ITSN1: variants seen among roughly 807,000 people sequenced by gnomAD.
ITSN1 encodes the protein intersectin-1.
A neutral mutation model predicts 239.8 loss-of-function variants in ITSN1; 58 were observed. The observed-to-expected ratio is 0.24, with a 90% CI of 0.20 to 0.30. ITSN1 has a LOEUF of 0.30. Ranked by LOEUF, ITSN1 falls within the 10% of genes least tolerant of loss-of-function variation. The pLI is 1.00. For missense variants in ITSN1, 1,558 were observed against 2,103.3 expected, an observed-to-expected ratio of 0.74 and a Z score of 5.07; for synonymous variants, 780 against 770.8, an observed-to-expected ratio of 1.01 and a Z score of -0.20.
chr21:33,741,136 A>G (rs1241399881), intron 5 of ITSN1, among the ~76,000 whole-genome samples: 2 of 152,128 alleles, frequency 1.3e-5, no homozygotes, highest in East Asian at 1.9e-4. Context: ...ACGTGTCTTG[A>G]AGGTTAACTG....
At chr21:33,770,017 G>A (rs1474359661) in intron 11 of ITSN1, among the ~76,000 whole-genome samples, 1 of 151,226 alleles carries the variant, frequency 6.6e-6, no homozygotes, top group Non-Finnish European at 1.5e-5. Flanking sequence ...TTTTTATAAG[G>A]ATATTAATTT....
chr21:33,756,203 A>G (rs1444575309), intron 8 of ITSN1, among the ~76,000 whole-genome samples: 1 of 148,418 alleles, frequency 6.7e-6, no homozygotes, highest in Admixed American at 6.8e-5. Context: ...AGGCAGGAGA[A>G]TTGCTGGAAC....
intron 1 of ITSN1, among the ~76,000 whole-genome samples, chr21:33,713,572 T>A (rs1162869524): frequency 1.3e-5 from 2 of 152,028 alleles, no homozygotes; most frequent in African/African-American, 4.8e-5. Context: ...AATTACTATA[T>A]TTTTTTCAAA....
chr21:33,766,018 G>A lies in ITSN1; in HGVS notation c.926+6G>A, dbSNP rs1402169235. On this transcript the variant is annotated splice_donor_region_variant and intron_variant, in intron 10 of 39. Coordinates refer to ENST00000381318, the MANE Select transcript of ITSN1 (RefSeq NM_003024.3). ...TACATTCCACCTTCTTTTAGGTAAG[G>A]AACATGGGCTCTGATCAGGAATTGT... The A allele has an allele frequency of 6.2e-7, 1 of 1,614,102 alleles. No homozygotes were observed. The highest frequency in any genetic ancestry group is 1.7e-5 in the Admixed American group (1 of 60,018).
chr21:33,730,413 T>TTC (rs2066102487), intron 4 of ITSN1, among the ~76,000 whole-genome samples: 1 of 142,198 alleles, frequency 7.0e-6, no homozygotes, highest in African/African-American at 2.6e-5. Flanking sequence ...TTTTTTTTTT[T>TTC]TTTCTGGAGA....
rs893895832 is a variant in ITSN1 at position 33,896,642 on chromosome 21, G to T, written c.*8342G>T. On this transcript the variant is annotated 3_prime_UTR_variant, in exon 40 of 40. Transcript: ENST00000381318. ...TGTATGGGGATGGTAGGAGAGAAAA[G>T]ATCCCTCTGTGTAAGTAGCCTCAAG... 1 of 152,250 alleles carries T rather than the reference G, an allele frequency of 6.6e-6. No homozygotes were observed. Among genetic ancestry groups the T allele is most frequent in the Non-Finnish European group, 1.5e-5 (1 of 68,052 alleles). 9.4% of individuals were successfully genotyped at this position (152,250 alleles called of 1,614,324 possible). A position where few individuals can be genotyped will look rare whatever the true frequency, so the allele number is the denominator to read the frequency against.
At chr21:33,851,946 G>C (rs541111368) in intron 29 of ITSN1, among the ~76,000 whole-genome samples, 3 of 151,416 alleles carry the variant, frequency 2.0e-5, no homozygotes, top group Non-Finnish European at 4.4e-5. Flanking sequence ...ACCATGCATG[G>C]ATAATTTTTT....
intron 34 of ITSN1, among the ~76,000 whole-genome samples, chr21:33,880,090 T>C (rs1043474825): frequency 2.6e-5 from 4 of 152,228 alleles, no homozygotes; most frequent in African/African-American, 4.8e-5. Flanking sequence ...GTTGTCTTGA[T>C]GATGTTCATG....
Position 33,873,609 on chromosome 21 carries a change from G to A in ITSN1, c.4174-1745G>A, listed in dbSNP as rs186234952. Among the ~76,000 whole-genome samples the A allele has an allele frequency of 2.1e-4, 32 of 152,300 alleles. No homozygotes were observed. In the South Asian group the frequency reaches 5.0e-3, roughly 24 times the overall value. On this transcript the variant is annotated intron_variant, in intron 33 of 39. Transcript: ENST00000381318. ...ATGTGGGCCAGGCGTGGTGGCTCAC[G>A]CCTGTAATCCCCGCACTTTGGGAGG...
chr21:33,858,029 G>T (rs882364), intron 30 of ITSN1, among the ~76,000 whole-genome samples: 33,452 of 151,948 alleles, frequency 0.22, 4,129 homozygotes, highest in East Asian at 0.4. Context: ...TGGAACACGG[G>T]GTTCCACTGA....
At chr21:33,879,008 C>G (rs953650916) in intron 34 of ITSN1, among the ~76,000 whole-genome samples, 1 of 152,108 alleles carries the variant, frequency 6.6e-6, no homozygotes, top group African/African-American at 2.4e-5. Context: ...GTACGGGGGA[C>G]TCTCGGGCCC....
At position 33,885,538 on chromosome 21, in the gene ITSN1, GC is replaced by G. The variant is rs1985641621; in HGVS notation, c.4843+21del. On this transcript the variant is annotated intron_variant, in intron 38 of 39. Coordinates refer to ENST00000381318, the MANE Select transcript of ITSN1 (RefSeq NM_003024.3). ...CGGTCACATGGTAAGGCTGTGAGGCGCCCCCGGCTCCTGCTTTGGGGTTGGG... is the reference window on the plus strand; with the variant it reads ...CGGTCACATGGTAAGGCTGTGAGGCGCCCCGGCTCCTGCTTTGGGGTTGGG... The G allele has an allele frequency of 1.9e-6, 3 of 1,609,962 alleles. No individual in the cohort carries two copies. In the South Asian group the frequency reaches 3.3e-5, roughly 18 times the overall value.
At chr21:33,826,470 C>T (rs1432437568) in intron 25 of ITSN1, among the ~76,000 whole-genome samples, 1 of 152,120 alleles carries the variant, frequency 6.6e-6, no homozygotes, top group East Asian at 1.9e-4. Context: ...AAAATAAGTC[C>T]GAGCTTAGTG....
rs188998182 is a variant in ITSN1, at chr21:33,889,478, C to G, written c.*1178C>G. On this transcript the variant is annotated 3_prime_UTR_variant, in exon 40 of 40. Coordinates refer to ENST00000381318, the MANE Select transcript of ITSN1 (RefSeq NM_003024.3). ...CACATAATATGCTTGTTGCAAGAGT[C>G]AGGACTTTATGACTATGTGCCAAGC... The G allele has an allele frequency of 1.3e-5, 2 of 152,178 alleles. No individual in the cohort carries two copies. The highest frequency in any genetic ancestry group is 2.9e-5 in the Non-Finnish European group (2 of 68,030). 9.4% of individuals were successfully genotyped at this position (152,178 alleles called of 1,614,324 possible).
In ITSN1 at chr21:33,893,715, A is replaced by G. The variant is rs1986519776; in HGVS notation, c.*5415A>G. 6.6e-6 allele frequency: 1 copy of G among 152,224 alleles called. No homozygotes were observed. The highest frequency in any genetic ancestry group is 2.4e-5 in the African/African-American group (1 of 41,428). 9.4% of individuals were successfully genotyped at this position (152,224 alleles called of 1,614,324 possible). ...TGGATCCTGCTTCTTTGTACTTGGA[A>G]CACAGTTTATTTGAGCTAGAGGAAA... On this transcript the variant is annotated 3_prime_UTR_variant, in exon 40 of 40. Coordinates refer to ENST00000381318, the MANE Select transcript of ITSN1 (RefSeq NM_003024.3).
At chr21:33,804,062 T>G (rs1409463427) in intron 20 of ITSN1, among the ~76,000 whole-genome samples, 1 of 152,206 alleles carries the variant, frequency 6.6e-6, no homozygotes, top group Non-Finnish European at 1.5e-5. Flanking sequence ...ATGATGAGCA[T>G]GAGACATGTA....
intron 23 of ITSN1, among the ~76,000 whole-genome samples, chr21:33,818,829 G>C (rs774937271): frequency 6.6e-6 from 1 of 152,194 alleles, no homozygotes; most frequent in Non-Finnish European, 1.5e-5. Context: ...AAAGGATCTG[G>C]GGAAATGATC....
At chr21:33,783,825 C>CT (rs1009881451) in intron 16 of ITSN1, among the ~76,000 whole-genome samples, 1 of 152,022 alleles carries the variant, frequency 6.6e-6, no homozygotes, top group Non-Finnish European at 1.5e-5. Context: ...CACATTGATT[C>CT]TTTTTCTAGA....
At chr21:33,829,813 G>A (rs1034009685) in intron 27 of ITSN1, 68 bp downstream of exon 27, 12 of 1,579,072 alleles carry the variant, frequency 7.6e-6, no homozygotes, top group South Asian at 3.4e-5. Context: ...TCAAAGGGAC[G>A]CTATTTTATT....
Sources: allele counts gnomAD v4.1 joint callset (sites outside exome capture counted in the v4.1 genomes callset), GRCh38; gene constraint gnomAD v4.1.1; transcripts MANE v1.5; gene names NCBI Gene and HGNC (gene_info 2026-07-23, HGNC 2026-07-21).